FAM227B: variants seen among roughly 807,000 people sequenced by gnomAD.
FAM227B encodes protein FAM227B.
A neutral mutation model predicts 73.8 loss-of-function variants in FAM227B; 88 were observed. That is an observed-to-expected ratio of 1.19 (90% confidence interval 1.00 to 1.42). The LOEUF (loss-of-function observed/expected upper bound fraction) is 1.42. Among genes scored for constraint, FAM227B ranks in the 40% most tolerant of loss-of-function variants. The pLI is 0.00. For synonymous variants in FAM227B, 210 were observed against 190.5 expected (o/e 1.10, Z -0.84); for missense variants, 632 against 590.9 (o/e 1.07, Z -0.72).
intron 13 of FAM227B, among the ~76,000 whole-genome samples, chr15:49,358,546 C>G (rs2043594499): frequency 6.7e-6 from 1 of 149,374 alleles, no homozygotes; most frequent in South Asian, 2.2e-4. Context: ...TGAAGGACCT[C>G]TTCAAGGAGA....
intron 11 of FAM227B, among the ~76,000 whole-genome samples, chr15:49,386,952 T>C (rs192053609): frequency 6.6e-6 from 1 of 151,494 alleles, no homozygotes; most frequent in Admixed American, 6.6e-5. Context: ...AAATCAGGAA[T>C]AGAAACCTTG....
intron 9 of FAM227B, among the ~76,000 whole-genome samples, chr15:49,550,037 G>A (rs1350640665): frequency 3.6e-5 from 5 of 139,134 alleles, no homozygotes; most frequent in Admixed American, 7.0e-5. Flanking sequence ...CCTCCCGGAC[G>A]GGGCGGCTGG....
Position 49,367,553 on chromosome 15 carries a change from C to A in FAM227B, c.1166G>T (p.Gly389Val), listed in dbSNP as rs1360407065. 1 of 1,605,248 alleles carries A rather than the reference C, an allele frequency of 6.2e-7. No individual in the cohort carries two copies. The highest frequency in any genetic ancestry group is 1.7e-5 in the Admixed American group (1 of 57,190). The change falls in exon 13 of 16, where the codon GGT becomes GTT. Residue 389 changes from glycine (G) to valine (V), a missense_variant. Transcript: ENST00000299338. ...EFNRVLFNFG[G>V]QSPLILYYLK... is the part of the protein sequence containing the mutation. Reference sequence around the variant, plus strand: ...ATAATATAAAATCAATGGACTCTGACCTCCAAAATTGAAGAGAACACGATT... The same window carrying A: ...ATAATATAAAATCAATGGACTCTGAACTCCAAAATTGAAGAGAACACGATT...
intron 11 of FAM227B, among the ~76,000 whole-genome samples, chr15:49,384,723 A>G (rs892173583): frequency 1.3e-5 from 2 of 151,974 alleles, no homozygotes; most frequent in African/African-American, 2.4e-5. Context: ...TGCTGTGACT[A>G]GTAATAGTTA....
At position 49,328,455 on chromosome 15, in the gene FAM227B, ACT is replaced by A. The variant is rs2037904994; in HGVS notation, c.*111_*112del. The A allele has an allele frequency of 6.8e-7, 1 of 1,466,954 alleles. No homozygotes were observed. Among genetic ancestry groups the A allele is most frequent in the African/African-American group, 1.4e-5 (1 of 71,260 alleles). The allele number at this position is 1,466,954 out of a possible 1,614,324, so 90.9% of individuals were successfully genotyped here. A position where few individuals can be genotyped will look rare whatever the true frequency, so the allele number is the denominator to read the frequency against. On this transcript the variant is annotated 3_prime_UTR_variant, in exon 16 of 16. Coordinates refer to ENST00000299338, the MANE Select transcript of FAM227B (RefSeq NM_152647.3). ...ATTTTAAAGATGAATGGTAAAACAC[ACT>A]CTTAATACTGATTACATGGATTGGA...
chr15:49,379,167 CTTTCTAATGTATTGTTTAA>C (rs2046361343), intron 11 of FAM227B, among the ~76,000 whole-genome samples: 1 of 152,136 alleles, frequency 6.6e-6, no homozygotes, highest in African/African-American at 2.4e-5. Context: ...GATGAATAAT[CTTTCTAATGTATTGTTTAA>C]TTTCTAATGT....
chr15:49,402,241 G>T (rs2048215197), intron 11 of FAM227B, among the ~76,000 whole-genome samples: 1 of 152,226 alleles, frequency 6.6e-6, no homozygotes, highest in Non-Finnish European at 1.5e-5. Flanking sequence ...TGTGTATATG[G>T]CTCTTCTTTG....
At chr15:49,399,956 CT>C (rs1430459195) in intron 11 of FAM227B, among the ~76,000 whole-genome samples, 5 of 111,202 alleles carry the variant, frequency 4.5e-5, no homozygotes, top group Non-Finnish European at 7.7e-5. Context: ...GGGATGCCCT[CT>C]CTCACCACTC....
At chr15:49,588,145 A>T (rs1310641339) in intron 4 of FAM227B, 62 bp from the exon 5 acceptor site, 4 of 1,010,412 alleles carry the variant, frequency 4.0e-6, no homozygotes, top group Admixed American at 6.6e-5. Context: ...CTAAAAATAA[A>T]CAAAATTTTA....
chr15:49,552,721 C>T (rs2073183119), intron 9 of FAM227B, among the ~76,000 whole-genome samples: 1 of 152,038 alleles, frequency 6.6e-6, no homozygotes, highest in African/African-American at 2.4e-5. Context: ...TTCAAGCTCA[C>T]TAATTCTTTC....
At chr15:49,383,298 C>T (rs996006259) in intron 11 of FAM227B, among the ~76,000 whole-genome samples, 15 of 152,052 alleles carry the variant, frequency 9.9e-5, no homozygotes, top group African/African-American at 1.9e-4. Context: ...GGAATGTTCA[C>T]GGAACTCTGT....
chr15:49,348,030 A>G (rs2041775382), intron 13 of FAM227B, among the ~76,000 whole-genome samples: 1 of 151,706 alleles, frequency 6.6e-6, no homozygotes, highest in African/African-American at 2.4e-5. Flanking sequence ...AAAAAAAAAA[A>G]AAAAAAAAAA....
intron 3 of FAM227B, among the ~76,000 whole-genome samples, chr15:49,600,857 A>G (rs1352073554): frequency 6.6e-6 from 1 of 151,362 alleles, no homozygotes; most frequent in African/African-American, 2.4e-5. Flanking sequence ...CCTGGCCAAC[A>G]TGGTGAAACC....
intron 11 of FAM227B, among the ~76,000 whole-genome samples, chr15:49,393,187 G>A (rs1334465697): frequency 6.6e-6 from 1 of 152,132 alleles, no homozygotes; most frequent in East Asian, 1.9e-4. Flanking sequence ...TTGAAATGCA[G>A]GTTTCTTTCA....
chr15:49,576,507 G>T, intron 7 of FAM227B: 1 of 372,786 alleles, frequency 2.7e-6, no homozygotes, highest in Non-Finnish European at 4.9e-6. Flanking sequence ...ACGGTTACAT[G>T]CCAAGCCAGT....
At position 49,615,249 on chromosome 15, in the gene FAM227B, G is replaced by A. The variant is rs2078214849; in HGVS notation, c.-72-6C>T. 2 of 1,240,628 alleles carry A rather than the reference G, an allele frequency of 1.6e-6. No homozygotes were observed. The highest frequency in any genetic ancestry group is 1.2e-6 in the Non-Finnish European group (1 of 840,978). 76.9% of individuals were successfully genotyped at this position (1,240,628 alleles called of 1,614,324 possible). A position where few individuals can be genotyped will look rare whatever the true frequency, so the allele number is the denominator to read the frequency against. ...ATGTGAGTTGGGCGACCAAACTGGG[G>A]TATGAAAGACACCCAAATGCAAAAA... On this transcript the variant is annotated splice_polypyrimidine_tract_variant and splice_region_variant and intron_variant, in intron 1 of 15. Transcript: ENST00000299338.
intron 11 of FAM227B, among the ~76,000 whole-genome samples, chr15:49,499,633 C>T (rs1326762332): frequency 1.3e-5 from 2 of 152,036 alleles, no homozygotes; most frequent in African/African-American, 4.8e-5. Context: ...ACTTATAGTA[C>T]CTAACTTCAA....
chr15:49,366,571 G>T, intron 13 of FAM227B: 1 of 1,597,134 alleles, frequency 6.3e-7, no homozygotes, highest in Non-Finnish European at 8.6e-7. Flanking sequence ...AGTAGTCCTT[G>T]GATGTGCCAT....
At chr15:49,505,379 A>G (rs918840892) in intron 11 of FAM227B, among the ~76,000 whole-genome samples, 1 of 152,152 alleles carries the variant, frequency 6.6e-6, no homozygotes, top group Non-Finnish European at 1.5e-5. Flanking sequence ...TACACTTTAA[A>G]TATATGCAAT....
Sources: gnomAD v4.1 joint callset for allele counts (sites outside exome capture counted in the v4.1 genomes callset) on GRCh38, gnomAD v4.1.1 for gene constraint, MANE v1.5 for transcripts, NCBI Gene and HGNC (gene_info 2026-07-23, HGNC 2026-07-21) for gene names.